ERO1A: variants seen among roughly 807,000 people sequenced by gnomAD.
ERO1A encodes endoplasmic reticulum oxidoreductase 1 alpha, also known as ERO1-like protein alpha.
A neutral mutation model predicts 76.9 loss-of-function variants in ERO1A; 49 were observed. The observed-to-expected ratio is 0.64, with a 90% CI of 0.51 to 0.81. ERO1A has a LOEUF of 0.81. Ranked by LOEUF, ERO1A falls within the 30% of genes least tolerant of loss-of-function variation. The probability of loss-of-function intolerance (pLI) is 0.00; values close to 1 mark genes in which losing one functional copy is unlikely to be tolerated. For missense variants in ERO1A, 448 were observed against 542.1 expected (o/e 0.83, Z 1.72); for synonymous variants, 174 against 181.2 (o/e 0.96, Z 0.32).
chr14:52,661,313 CA>C lies in ERO1A; in HGVS notation c.677-10del. 1 of 1,392,314 alleles carries C rather than the reference CA, an allele frequency of 7.2e-7. No individual in the cohort carries two copies. The highest frequency in any genetic ancestry group is 9.6e-7 in the Non-Finnish European group (1 of 1,045,884). The allele number at this position is 1,392,314 out of a possible 1,614,324, so 86.2% of individuals were successfully genotyped here. A position where few individuals can be genotyped will look rare whatever the true frequency, so the allele number is the denominator to read the frequency against. On this transcript the variant is annotated splice_polypyrimidine_tract_variant and intron_variant, in intron 8 of 15. Coordinates refer to ENST00000395686, the MANE Select transcript of ERO1A (RefSeq NM_014584.3). ...CTTACCTTCACTTGTCCCTGAAAAG[CA>C]AAACAAAATGTTTATTAAAATAAAT... is the stretch of plus-strand genomic sequence containing the variant.
At chr14:52,659,705 G>A (rs2040167367) in intron 9 of ERO1A, among the ~76,000 whole-genome samples, 1 of 151,666 alleles carries the variant, frequency 6.6e-6, no homozygotes, top group South Asian at 2.1e-4. Flanking sequence ...AAATTTTCAA[G>A]GTTCTTTTTT....
intron 8 of ERO1A, 42 bp from the exon 9 acceptor site, chr14:52,661,346 C>A: frequency 1.4e-6 from 2 of 1,412,528 alleles, no homozygotes; most frequent in South Asian, 3.3e-5. Context: ...AAATTCCTTC[C>A]AGTGCCCCTT....
chr14:52,652,335 T>G (rs2039899847), intron 12 of ERO1A, 27 bp from the exon 13 acceptor site: 1 of 1,460,348 alleles, frequency 6.8e-7, no homozygotes, highest in African/African-American at 1.4e-5. Context: ...AGAATATTCA[T>G]TTTCATGTGT....
chr14:52,673,828 C>T (rs2040692110), intron 4 of ERO1A, among the ~76,000 whole-genome samples: 1 of 152,118 alleles, frequency 6.6e-6, no homozygotes, highest in Non-Finnish European at 1.5e-5. Context: ...ATCTCTACCT[C>T]CAGGACTCAA....
At chr14:52,662,670 A>G (rs77503924) in intron 8 of ERO1A, among the ~76,000 whole-genome samples, 16,968 of 152,096 alleles carry the variant, frequency 0.11, 1,059 homozygotes, top group East Asian at 0.21. Context: ...TTTTAATTTT[A>G]CATCCCCTCT....
At chr14:52,659,799 T>TTGTG (rs140211207) in intron 9 of ERO1A, among the ~76,000 whole-genome samples, 5 of 148,844 alleles carry the variant, frequency 3.4e-5, no homozygotes, top group East Asian at 2.0e-4. Context: ...AGTTCAGTGT[T>TTGTG]TGTGTGTGTG....
At chr14:52,677,965 T>C (rs10141158) in intron 4 of ERO1A, among the ~76,000 whole-genome samples, 4,155 of 151,636 alleles carry the variant, frequency 0.027, 191 homozygotes, top group African/African-American at 0.094. Flanking sequence ...TGATATTTTC[T>C]ATAATAAAAT....
chr14:52,662,391 C>G (rs1228365335), intron 8 of ERO1A, among the ~76,000 whole-genome samples: 3 of 152,190 alleles, frequency 2.0e-5, no homozygotes, highest in East Asian at 1.9e-4. Context: ...AAAGAGAAAT[C>G]TGCCAGAATT....
intron 1 of ERO1A, among the ~76,000 whole-genome samples, chr14:52,684,862 T>C (rs1446132862): frequency 6.6e-6 from 1 of 152,142 alleles, no homozygotes; most frequent in African/African-American, 2.4e-5. Context: ...AGATGTTTAT[T>C]TGAGCTAGAA....
chr14:52,687,561 G>C (rs1442393806), intron 1 of ERO1A, among the ~76,000 whole-genome samples: 1 of 152,218 alleles, frequency 6.6e-6, no homozygotes, highest in Non-Finnish European at 1.5e-5. Context: ...TGGCAACCTG[G>C]AACAGGGAGG....
chr14:52,666,338 T>A, intron 7 of ERO1A, 37 bp downstream of exon 7: 4 of 1,456,318 alleles, frequency 2.7e-6, no homozygotes, highest in Non-Finnish European at 3.8e-6. Flanking sequence ...AATCACCACA[T>A]CTTATAGGAA....
At position 52,640,984 on chromosome 14, in the gene ERO1A, TAAGA is replaced by T. The variant is rs1361130682; in HGVS notation, c.*2582_*2585del. 6.6e-6 allele frequency: 1 copy of T among 150,996 alleles called. No individual in the cohort carries two copies. The highest frequency in any genetic ancestry group is 2.4e-5 in the African/African-American group (1 of 40,984). The allele number at this position is 150,996 out of a possible 1,614,324, so 9.4% of individuals were successfully genotyped here. A position where few individuals can be genotyped will look rare whatever the true frequency, so the allele number is the denominator to read the frequency against. On this transcript the variant is annotated 3_prime_UTR_variant, in exon 16 of 16. Coordinates refer to ENST00000395686, the MANE Select transcript of ERO1A (RefSeq NM_014584.3). Reference sequence around the variant, plus strand: ...CAAGCGTGAGAAGTGGTGTTGTGATTAAGAGAGAAAAAAAAAATGGAGGTCTGAG... The same window carrying T: ...CAAGCGTGAGAAGTGGTGTTGTGATTGAGAAAAAAAAAATGGAGGTCTGAG...
intron 11 of ERO1A, 38 bp downstream of exon 11, chr14:52,657,879 T>C: frequency 7.2e-7 from 1 of 1,394,398 alleles, no homozygotes; most frequent in South Asian, 1.3e-5. Flanking sequence ...TATCTAAAAT[T>C]AAGAGTGGTA....
At chr14:52,680,996 T>C (rs1222310559) in intron 3 of ERO1A, among the ~76,000 whole-genome samples, 1 of 152,180 alleles carries the variant, frequency 6.6e-6, no homozygotes, top group Non-Finnish European at 1.5e-5. Context: ...GTAAAAGTAT[T>C]GTCAAGAATG....
At chr14:52,646,002 C>T (rs912274934) in intron 15 of ERO1A, 152 bp downstream of exon 15, 7 of 858,524 alleles carry the variant, frequency 8.2e-6, no homozygotes, top group Non-Finnish European at 1.2e-5. Context: ...CGCCACTGCA[C>T]TCCAGCCTGG....
In ERO1A at chr14:52,653,335, A is replaced by G; in HGVS notation, c.809-20T>C. 2 of 1,515,200 alleles carry G rather than the reference A, an allele frequency of 1.3e-6. No individual in the cohort carries two copies. The highest frequency in any genetic ancestry group is 1.8e-6 in the Non-Finnish European group (2 of 1,123,436). The allele number at this position is 1,515,200 out of a possible 1,614,324, so 93.9% of individuals were successfully genotyped here. ...AGGTCTCTAAGAAGGAAGAAGAATT[A>G]AATATTAAAAACTGAATTTGACAAT... On this transcript the variant is annotated intron_variant, in intron 11 of 15. Transcript: ENST00000395686.
intron 1 of ERO1A, among the ~76,000 whole-genome samples, chr14:52,692,732 ACT>A (rs1187233067): frequency 6.6e-6 from 1 of 151,844 alleles, no homozygotes; most frequent in Non-Finnish European, 1.5e-5. Context: ...TGTCCCAAAC[ACT>A]CTGGTCAACG....
intron 11 of ERO1A, among the ~76,000 whole-genome samples, chr14:52,653,532 C>G (rs1401782787): frequency 2.0e-5 from 3 of 151,696 alleles, no homozygotes; most frequent in Admixed American, 6.6e-5. Flanking sequence ...CAATGTTTTA[C>G]TGAGAAAGCA....
At chr14:52,679,984 C>T (rs1480213391) in intron 3 of ERO1A, among the ~76,000 whole-genome samples, 2 of 149,510 alleles carry the variant, frequency 1.3e-5, no homozygotes, top group Admixed American at 1.4e-4. Context: ...TGCTTAGGCC[C>T]AGGAGGCAGA....
Sources: gnomAD v4.1 joint callset for allele counts (sites outside exome capture counted in the v4.1 genomes callset) on GRCh38, gnomAD v4.1.1 for gene constraint, MANE v1.5 for transcripts, NCBI Gene and HGNC (gene_info 2026-07-23, HGNC 2026-07-21) for gene names.